WWOX: variants seen among roughly 807,000 people sequenced by gnomAD.
The protein encoded by WWOX is WW domain containing oxidoreductase.
Under a neutral mutation model 46.2 loss-of-function variants are expected in WWOX, and 69 were observed. The observed-to-expected ratio is 1.49, with a 90% confidence interval of 1.23 to 1.82. WWOX has a LOEUF of 1.82. Among genes scored for constraint, WWOX ranks in the 40% most tolerant of loss-of-function variants. The pLI, the probability that WWOX is intolerant of heterozygous loss-of-function variation, is 0.00. For synonymous variants in WWOX, 359 were observed against 202.6 expected, an observed-to-expected ratio of 1.77 and a Z score of -6.56; for missense variants, 919 against 542.6, an observed-to-expected ratio of 1.69 and a Z score of -6.89.
At chr16:78,954,996 C>T (rs975094121) in intron 8 of WWOX, among the ~76,000 whole-genome samples, 4 of 152,034 alleles carry the variant, frequency 2.6e-5, no homozygotes, top group Non-Finnish European at 4.4e-5. Flanking sequence ...CACTGTGTTG[C>T]CCAGGCTTAT....
chr16:78,341,419 A>G lies in WWOX; in HGVS notation c.517-45441A>G, dbSNP rs1019446454. Reference sequence around the variant, plus strand: ...TGAAAATTTTAAAAAATCAATATGTATAATCCACCATCTTTGTTCCTTTTA... The same window carrying G: ...TGAAAATTTTAAAAAATCAATATGTGTAATCCACCATCTTTGTTCCTTTTA... On this transcript the variant is annotated intron_variant, in intron 5 of 8. Coordinates refer to ENST00000566780, the MANE Select transcript of WWOX (RefSeq NM_016373.4). 1.1e-4 allele frequency among the ~76,000 whole-genome samples: 14 copies of G among 121,768 alleles called. 2 individuals are homozygous for G. Among genetic ancestry groups the G allele is most frequent in the African/African-American group, 3.9e-4 (14 of 36,044 alleles). The allele number at this position is 121,768 out of a possible 152,430, so 79.9% of individuals were successfully genotyped here.
chr16:78,996,221 G>A (rs774869305), intron 8 of WWOX: 1 of 984,928 alleles, frequency 1.0e-6, no homozygotes, highest in East Asian at 1.1e-4. Flanking sequence ...AAGACTTGTG[G>A]ATAGAAGAAG....
intron 8 of WWOX, among the ~76,000 whole-genome samples, chr16:78,661,390 C>A (rs2142172472): frequency 6.6e-6 from 1 of 152,238 alleles, no homozygotes; most frequent in South Asian, 2.1e-4. Context: ...TAGTCCAATC[C>A]CTAAGCTGGG....
chr16:78,312,075 A>C (rs1026683138), intron 5 of WWOX, among the ~76,000 whole-genome samples: 4 of 152,064 alleles, frequency 2.6e-5, no homozygotes, highest in Non-Finnish European at 5.9e-5. Flanking sequence ...TTCAATGGCC[A>C]TGTCTCTGGT....
intron 8 of WWOX, chr16:78,896,328 C>T (rs1386946130): frequency 6.6e-6 from 1 of 151,950 alleles, no homozygotes; most frequent in Non-Finnish European, 1.5e-5. Flanking sequence ...TGACTGGCTT[C>T]CCAAAACCAC....
intron 8 of WWOX, among the ~76,000 whole-genome samples, chr16:78,790,293 C>G (rs2050561391): frequency 6.6e-6 from 1 of 152,054 alleles, no homozygotes; most frequent in Non-Finnish European, 1.5e-5. Flanking sequence ...CGCCAGCACG[C>G]CTGACTGATT....
chr16:79,062,174 G>A (rs1248322192), intron 8 of WWOX, among the ~76,000 whole-genome samples: 1 of 152,192 alleles, frequency 6.6e-6, no homozygotes, highest in Non-Finnish European at 1.5e-5. Flanking sequence ...CAGACTCAAG[G>A]TTGGGGAGAC....
intron 8 of WWOX, among the ~76,000 whole-genome samples, chr16:78,887,571 C>A (rs1348305279): frequency 6.6e-6 from 1 of 151,346 alleles, no homozygotes; most frequent in Admixed American, 6.6e-5. Context: ...GAATCATTTT[C>A]TTCGGGAGTT....
chr16:78,652,916 T>C (rs1474495178), intron 8 of WWOX, among the ~76,000 whole-genome samples: 1 of 152,210 alleles, frequency 6.6e-6, no homozygotes, highest in African/African-American at 2.4e-5. Context: ...ATATCATTTG[T>C]TACTTTGAAA....
At chr16:78,968,735 C>T (rs2046412529) in intron 8 of WWOX, among the ~76,000 whole-genome samples, 1 of 152,064 alleles carries the variant, frequency 6.6e-6, no homozygotes, top group South Asian at 2.1e-4. Context: ...AAACCATGCT[C>T]ATTGGTTTTA....
intron 5 of WWOX, among the ~76,000 whole-genome samples, chr16:78,273,114 T>G (rs1187588678): frequency 6.6e-6 from 1 of 152,212 alleles, no homozygotes; most frequent in Non-Finnish European, 1.5e-5. Context: ...ATAGAGTCTT[T>G]TAGCTGTTTC....
chr16:78,218,688 G>A (rs886119718), intron 5 of WWOX, among the ~76,000 whole-genome samples: 6 of 152,214 alleles, frequency 3.9e-5, no homozygotes, highest in African/African-American at 1.4e-4. Context: ...ATTCTAGAAA[G>A]CAAAGTAGGG....
At chr16:78,578,189 C>A (rs1332717119) in intron 8 of WWOX, among the ~76,000 whole-genome samples, 4 of 138,178 alleles carry the variant, frequency 2.9e-5, no homozygotes, top group African/African-American at 1.1e-4. Flanking sequence ...TAATCTCATA[C>A]CACTGGATTA....
At chr16:78,182,266 G>A (rs2035554070) in intron 5 of WWOX, among the ~76,000 whole-genome samples, 1 of 152,166 alleles carries the variant, frequency 6.6e-6, no homozygotes, top group African/African-American at 2.4e-5. Context: ...AGTACTTGCG[G>A]TGGTACCTAG....
intron 8 of WWOX, among the ~76,000 whole-genome samples, chr16:78,726,191 T>G (rs1162396083): frequency 6.7e-5 from 10 of 149,612 alleles, no homozygotes; most frequent in Non-Finnish European, 1.5e-4. Context: ...TCTCTCTCTT[T>G]CCTTCCTTCC....
chr16:78,994,260 G>A (rs2046944815), intron 8 of WWOX: 1 of 151,978 alleles, frequency 6.6e-6, no homozygotes, highest in Non-Finnish European at 1.5e-5. Flanking sequence ...GGTGGCATTG[G>A]AGTACCATTT....
intron 8 of WWOX, among the ~76,000 whole-genome samples, chr16:78,893,794 C>A (rs2044641946): frequency 1.3e-5 from 2 of 152,134 alleles, no homozygotes; most frequent in African/African-American, 4.8e-5. Flanking sequence ...CTCTCACCTT[C>A]ATCGATCACA....
At position 78,457,017 on chromosome 16, in the gene WWOX, G is replaced by A. The variant is rs376102055; in HGVS notation, c.1056+24265G>A. Among the ~76,000 whole-genome samples, 12 of 152,316 alleles carry A rather than the reference G, an allele frequency of 7.9e-5. No homozygotes were observed. In the South Asian group the frequency reaches 2.5e-3, roughly 32 times the overall value. ...AACACTGCCTTAAATGATGCTACTGGCAGGATGGTTAATTTGATGTTGAAA... is the reference window on the plus strand; with the variant it reads ...AACACTGCCTTAAATGATGCTACTGACAGGATGGTTAATTTGATGTTGAAA... On this transcript the variant is annotated intron_variant, in intron 8 of 8. Coordinates refer to ENST00000566780, the MANE Select transcript of WWOX (RefSeq NM_016373.4).
chr16:78,444,876 A>G (rs2083522785), intron 8 of WWOX, among the ~76,000 whole-genome samples: 2 of 152,190 alleles, frequency 1.3e-5, no homozygotes, highest in East Asian at 1.9e-4. Context: ...TTCAGGGAGA[A>G]CTCACTCAAA....
Sources: gnomAD v4.1 joint callset for allele counts (sites outside exome capture counted in the v4.1 genomes callset) on GRCh38, gnomAD v4.1.1 for gene constraint, MANE v1.5 for transcripts, NCBI Gene and HGNC (gene_info 2026-07-23, HGNC 2026-07-21) for gene names.